COL8A1: variants seen among roughly 807,000 people sequenced by gnomAD.
The protein encoded by COL8A1 is collagen alpha-1(VIII) chain.
COL8A1 carries 21 observed loss-of-function variants against 42.7 expected under a neutral mutation model. The observed-to-expected ratio is 0.49, with a 90% CI of 0.35 to 0.71. The LOEUF (loss-of-function observed/expected upper bound fraction) is 0.71, where lower values mean the gene tolerates loss of function less well. Among genes scored for constraint, COL8A1 ranks in the 30% least tolerant of loss-of-function variants. The probability of loss-of-function intolerance (pLI) is 0.01; values close to 1 mark genes in which losing one functional copy is unlikely to be tolerated. For synonymous variants in COL8A1, 367 were observed against 369.1 expected (o/e 0.99, Z 0.06); for missense variants, 788 against 962.4 (o/e 0.82, Z 2.40).
chr3:99,667,490 TAGA>T (rs1281941591), intron 1 of COL8A1, among the ~76,000 whole-genome samples: 22 of 152,148 alleles, frequency 1.4e-4, no homozygotes, highest in Non-Finnish European at 2.5e-4. Flanking sequence ...CAGCTTTCCT[TAGA>T]AGATCATCTG....
At chr3:99,684,088 C>T (rs1938975236) in intron 1 of COL8A1, among the ~76,000 whole-genome samples, 1 of 152,108 alleles carries the variant, frequency 6.6e-6, no homozygotes, top group African/African-American at 2.4e-5. Flanking sequence ...GCTCTCGGGT[C>T]TGAAATCCCA....
chr3:99,699,388 A>G (rs1354819234), intron 1 of COL8A1, among the ~76,000 whole-genome samples: 1 of 152,232 alleles, frequency 6.6e-6, no homozygotes, highest in Non-Finnish European at 1.5e-5. Context: ...CTGTACAGTG[A>G]GGAGCTTAGA....
intron 1 of COL8A1, among the ~76,000 whole-genome samples, chr3:99,671,250 A>G (rs778916103): frequency 1.3e-5 from 2 of 152,062 alleles, no homozygotes; most frequent in Non-Finnish European, 2.9e-5. Context: ...AGAGAAGATA[A>G]TTCTTCAGAT....
chr3:99,738,659 A>G (rs1184145105), intron 1 of COL8A1, among the ~76,000 whole-genome samples: 1 of 152,180 alleles, frequency 6.6e-6, no homozygotes, highest in African/African-American at 2.4e-5. Flanking sequence ...AGTCTGCAGG[A>G]GTTACTGCTG....
At chr3:99,684,327 T>G (rs1938983754) in intron 1 of COL8A1, among the ~76,000 whole-genome samples, 1 of 152,190 alleles carries the variant, frequency 6.6e-6, no homozygotes. Flanking sequence ...CTATTTTAAA[T>G]GTGTAAAATT....
At chr3:99,660,034 T>C (rs1938150722) in intron 1 of COL8A1, among the ~76,000 whole-genome samples, 1 of 152,230 alleles carries the variant, frequency 6.6e-6, no homozygotes, top group African/African-American at 2.4e-5. Context: ...AAAAACTGTG[T>C]GGAAGCACCA....
At chr3:99,686,953 C>T (rs1033339288) in intron 1 of COL8A1, among the ~76,000 whole-genome samples, 3 of 152,194 alleles carry the variant, frequency 2.0e-5, no homozygotes, top group Admixed American at 6.5e-5. Context: ...TCACTGCAAC[C>T]CCTGCCTCCC....
intron 2 of COL8A1, among the ~76,000 whole-genome samples, chr3:99,787,874 A>ACACC (rs770748378): frequency 0.013 from 1,230 of 92,664 alleles, 25 homozygotes; most frequent in African/African-American, 0.041. Context: ...ACACACACAC[A>ACACC]CCCACACCCA....
intron 1 of COL8A1, among the ~76,000 whole-genome samples, chr3:99,700,154 G>C (rs892419998): frequency 6.6e-6 from 1 of 152,148 alleles, no homozygotes; most frequent in Admixed American, 6.5e-5. Context: ...AACAAGGTAC[G>C]AGGGCACAGG....
chr3:99,657,009 TC>T (rs1367483786), intron 1 of COL8A1, among the ~76,000 whole-genome samples: 1 of 152,242 alleles, frequency 6.6e-6, no homozygotes, highest in African/African-American at 2.4e-5. Flanking sequence ...TTCTGTACTT[TC>T]TTTTATCAGA....
chr3:99,661,288 G>A (rs1938197527), intron 1 of COL8A1, among the ~76,000 whole-genome samples: 2 of 151,956 alleles, frequency 1.3e-5, no homozygotes, highest in Non-Finnish European at 2.9e-5. Flanking sequence ...AATTCAAAAC[G>A]AACAAAAGAC....
At chr3:99,786,284 T>C (rs1941894118) in intron 2 of COL8A1, among the ~76,000 whole-genome samples, 1 of 152,190 alleles carries the variant, frequency 6.6e-6, no homozygotes, top group Non-Finnish European at 1.5e-5. Flanking sequence ...TGTTAAAATA[T>C]GACACCCCCC....
At chr3:99,721,229 A>G (rs1181219711) in intron 1 of COL8A1, among the ~76,000 whole-genome samples, 1 of 152,088 alleles carries the variant, frequency 6.6e-6, no homozygotes, top group African/African-American at 2.4e-5. Context: ...GGAACAATTA[A>G]TGTGAGTTGT....
At chr3:99,792,533 T>A (rs1019197899) in intron 3 of COL8A1, among the ~76,000 whole-genome samples, 9 of 152,224 alleles carry the variant, frequency 5.9e-5, no homozygotes, top group Admixed American at 5.9e-4. Context: ...TGTATTTCAA[T>A]AACAATTTGA....
intron 2 of COL8A1, among the ~76,000 whole-genome samples, chr3:99,786,489 T>C (rs1941899185): frequency 6.6e-6 from 1 of 152,294 alleles, no homozygotes; most frequent in Non-Finnish European, 1.5e-5. Flanking sequence ...ACAACCAATC[T>C]GCTGGCACCT....
At chr3:99,671,629 CTCTGTT>C (rs1476972302) in intron 1 of COL8A1, among the ~76,000 whole-genome samples, 1 of 151,982 alleles carries the variant, frequency 6.6e-6, no homozygotes, top group Admixed American at 6.6e-5. Flanking sequence ...CACTATTTTA[CTCTGTT>C]TCTATGAGTT....
chr3:99,699,722 T>G (rs1299041819), intron 1 of COL8A1, among the ~76,000 whole-genome samples: 1 of 152,192 alleles, frequency 6.6e-6, no homozygotes, highest in Non-Finnish European at 1.5e-5. Flanking sequence ...AACTTTTTAA[T>G]CACAAAATTT....
chr3:99,736,781 T>C (rs1438585938), intron 1 of COL8A1, among the ~76,000 whole-genome samples: 2 of 151,130 alleles, frequency 1.3e-5, no homozygotes, highest in Admixed American at 1.3e-4. Context: ...AATTCCTGGG[T>C]ATCCTTGTTG....
rs537168584 is a variant in COL8A1, at chr3:99,782,553, G to A, written c.-3-8127G>A. On this transcript the variant is annotated intron_variant, in intron 2 of 3. Transcript: ENST00000652472. ...ATTACAGGCATGTGCCACCATGCCCGGCTAATTTTTGTATTTTTAGTAGAG... is the reference window on the plus strand; with the variant it reads ...ATTACAGGCATGTGCCACCATGCCCAGCTAATTTTTGTATTTTTAGTAGAG... 1.6e-4 allele frequency among the ~76,000 whole-genome samples: 25 copies of A among 152,092 alleles called. No homozygotes were observed. The South Asian group carries it at 4.2e-3, about 25-fold the overall frequency.
Sources: gnomAD v4.1 joint callset for allele counts (sites outside exome capture counted in the v4.1 genomes callset) on GRCh38, gnomAD v4.1.1 for gene constraint, MANE v1.5 for transcripts, NCBI Gene and HGNC (gene_info 2026-07-23, HGNC 2026-07-21) for gene names.